Variants in KCNIP4 observed in about 807,000 individuals in gnomAD.
The protein encoded by KCNIP4 is potassium voltage-gated channel interacting protein 4.
KCNIP4 carries 12 observed loss-of-function variants against 34.0 expected under a neutral mutation model. The ratio of observed to expected loss-of-function variants is 0.35; its 90% CI spans 0.23 to 0.57. KCNIP4 has a LOEUF of 0.57. Ranked by LOEUF, KCNIP4 falls within the 20% of genes least tolerant of loss-of-function variation. KCNIP4 has a pLI of 0.83. For synonymous variants in KCNIP4, 124 were observed against 102.2 expected (o/e 1.21, Z -1.29); for missense variants, 238 against 311.7 (o/e 0.76, Z 1.78).
At chr4:20,888,830 GT>G (rs1171998173) in intron 1 of KCNIP4, among the ~76,000 whole-genome samples, 1 of 151,816 alleles carries the variant, frequency 6.6e-6, no homozygotes, top group African/African-American at 2.4e-5. Flanking sequence ...ATTCCTTTTG[GT>G]TTTTTTAAAG....
chr4:21,098,323 C>A (rs1379399821), intron 1 of KCNIP4, among the ~76,000 whole-genome samples: 1 of 152,120 alleles, frequency 6.6e-6, no homozygotes, highest in Non-Finnish European at 1.5e-5. Flanking sequence ...CAAGGTAGAC[C>A]AAATGGTCTT....
At chr4:21,738,523 C>T (rs1577923138) in intron 1 of KCNIP4, among the ~76,000 whole-genome samples, 1 of 152,188 alleles carries the variant, frequency 6.6e-6, no homozygotes, top group Non-Finnish European at 1.5e-5. Flanking sequence ...GTATGAATTT[C>T]AGAACATTGC....
chr4:20,847,955 T>C (rs1233383143), intron 3 of KCNIP4, among the ~76,000 whole-genome samples: 1 of 152,198 alleles, frequency 6.6e-6, no homozygotes, highest in African/African-American at 2.4e-5. Context: ...CCAAGGCAGT[T>C]GGTTTGCTTT....
intron 1 of KCNIP4, among the ~76,000 whole-genome samples, chr4:21,279,260 G>A (rs769876865): frequency 1.8e-4 from 28 of 152,110 alleles, no homozygotes; most frequent in Non-Finnish European, 3.4e-4. Flanking sequence ...CAGAGTTAGG[G>A]TAGGGTGGCA....
chr4:21,247,588 T>TATATATATATATATA (rs1760310887), intron 1 of KCNIP4, among the ~76,000 whole-genome samples: 1 of 144,374 alleles, frequency 6.9e-6, no homozygotes, highest in South Asian at 2.1e-4. Flanking sequence ...CATATATATA[T>TATATATATATATATA]ATATACACCA....
intron 1 of KCNIP4, among the ~76,000 whole-genome samples, chr4:21,564,150 T>C (rs1264640741): frequency 6.6e-6 from 1 of 152,190 alleles, no homozygotes; most frequent in Non-Finnish European, 1.5e-5. Context: ...TGCTCTATTA[T>C]TCTCTTGTAA....
At chr4:20,853,080 C>T (rs577521882) in intron 2 of KCNIP4, among the ~76,000 whole-genome samples, 2 of 152,220 alleles carry the variant, frequency 1.3e-5, no homozygotes, top group Middle Eastern at 3.4e-3. Flanking sequence ...ACAAATTCAA[C>T]ATAATCCCCA....
intron 1 of KCNIP4, among the ~76,000 whole-genome samples, chr4:21,589,839 C>A (rs529208771): frequency 1.3e-5 from 2 of 151,964 alleles, no homozygotes; most frequent in South Asian, 2.1e-4. Context: ...GTTCTCACCA[C>A]CAAGCACCTG....
At chr4:21,373,648 A>C (rs4352463) in intron 1 of KCNIP4, among the ~76,000 whole-genome samples, 3,913 of 147,342 alleles carry the variant, frequency 0.027, 371 homozygotes, top group East Asian at 0.22. Flanking sequence ...AATGATCAAC[A>C]AGTCATATAA....
rs116882638 is a variant in KCNIP4, at chr4:21,864,945, A to G, written c.61+83626T>C. Among the ~76,000 whole-genome samples, 9 of 152,370 alleles carry G rather than the reference A, an allele frequency of 5.9e-5. No individual in the cohort carries two copies. The East Asian group carries it at 1.7e-3, about 29-fold the overall frequency. ...AGCAACTCAGTTCAGCACATGCCACATGCTGATGATCTGGACATTGACAAG... is the reference window on the plus strand; with the variant it reads ...AGCAACTCAGTTCAGCACATGCCACGTGCTGATGATCTGGACATTGACAAG... On this transcript the variant is annotated intron_variant, in intron 1 of 8. Transcript: ENST00000382152.
intron 1 of KCNIP4, among the ~76,000 whole-genome samples, chr4:21,922,908 T>C (rs971792865): frequency 2.0e-5 from 3 of 152,202 alleles, no homozygotes; most frequent in Non-Finnish European, 4.4e-5. Context: ...GATTTTTCTT[T>C]GTAAGTCACA....
intron 1 of KCNIP4, among the ~76,000 whole-genome samples, chr4:21,754,554 C>T (rs548093302): frequency 3.3e-5 from 5 of 152,224 alleles, no homozygotes; most frequent in African/African-American, 1.2e-4. Context: ...AGAAATTTGC[C>T]TAAAGTCACC....
chr4:21,677,861 T>G (rs1750029136), intron 1 of KCNIP4, among the ~76,000 whole-genome samples: 1 of 152,168 alleles, frequency 6.6e-6, no homozygotes, highest in Non-Finnish European at 1.5e-5. Context: ...GTGATTCTTG[T>G]GTCTCAGCTT....
intron 1 of KCNIP4, among the ~76,000 whole-genome samples, chr4:21,067,533 G>A (rs1010968493): frequency 3.3e-5 from 5 of 152,174 alleles, no homozygotes; most frequent in African/African-American, 1.2e-4. Flanking sequence ...ATCATACTTA[G>A]GAGGAACTCA....
intron 1 of KCNIP4, among the ~76,000 whole-genome samples, chr4:21,832,640 G>T (rs1426157331): frequency 2.0e-5 from 3 of 149,218 alleles, no homozygotes; most frequent in African/African-American, 7.5e-5. Flanking sequence ...TGCACAATGT[G>T]CAGGTTAGTT....
intron 1 of KCNIP4, among the ~76,000 whole-genome samples, chr4:21,831,252 GA>G (rs200026575): frequency 2.6e-5 from 4 of 151,216 alleles, no homozygotes; most frequent in South Asian, 2.1e-4. Context: ...AATCCAGGGG[GA>G]AAAAAAATCA....
At chr4:21,717,561 C>T (rs1355619206) in intron 1 of KCNIP4, among the ~76,000 whole-genome samples, 2 of 152,038 alleles carry the variant, frequency 1.3e-5, no homozygotes, top group African/African-American at 4.8e-5. Context: ...AAAATAAAAC[C>T]CATCTTGCAA....
At chr4:21,278,643 C>T (rs1241560121) in intron 1 of KCNIP4, among the ~76,000 whole-genome samples, 2 of 152,020 alleles carry the variant, frequency 1.3e-5, no homozygotes, top group East Asian at 1.9e-4. Flanking sequence ...TACATATACA[C>T]CATGAAATAC....
At chr4:21,339,914 TAC>T (rs1403212696) in intron 1 of KCNIP4, among the ~76,000 whole-genome samples, 5 of 152,186 alleles carry the variant, frequency 3.3e-5, no homozygotes, top group Non-Finnish European at 7.4e-5. Context: ...TATAATTTTC[TAC>T]AGTTTCCTCT....
Sources: allele counts gnomAD v4.1 joint callset (sites outside exome capture counted in the v4.1 genomes callset), GRCh38; gene constraint gnomAD v4.1.1; transcripts MANE v1.5; gene names NCBI Gene and HGNC (gene_info 2026-07-23, HGNC 2026-07-21).